The following RIMS1 variants were observed in gnomAD, a reference collection of about 807,000 sequenced individuals.
RIMS1 encodes the protein regulating synaptic membrane exocytosis 1.
RIMS1 carries 83 observed loss-of-function variants against 214.1 expected under a neutral mutation model. The observed-to-expected ratio is 0.39, with a 90% CI of 0.32 to 0.47. The LOEUF is 0.47. Ranked by LOEUF, RIMS1 falls within the 20% of genes least tolerant of loss-of-function variation. The probability of loss-of-function intolerance (pLI) is 0.99; values close to 1 mark genes in which losing one functional copy is unlikely to be tolerated. For missense variants in RIMS1, 2,050 were observed against 2,161.8 expected, an observed-to-expected ratio of 0.95 and a Z score of 1.03; for synonymous variants, 793 against 786.8, an observed-to-expected ratio of 1.01 and a Z score of -0.13.
At chr6:72,153,155 T>C (rs564054493) in intron 4 of RIMS1, among the ~76,000 whole-genome samples, 3 of 150,190 alleles carry the variant, frequency 2.0e-5, no homozygotes, top group East Asian at 3.9e-4. Flanking sequence ...ATGGAATATA[T>C]GTATATATTC....
intron 2 of RIMS1, among the ~76,000 whole-genome samples, chr6:72,092,556 A>G (rs988546536): frequency 6.6e-6 from 1 of 152,170 alleles, no homozygotes; most frequent in African/African-American, 2.4e-5. Context: ...AGTAGTTTAA[A>G]CAAGACCTGC....
intron 16 of RIMS1, among the ~76,000 whole-genome samples, chr6:72,255,236 A>G (rs1196617077): frequency 6.6e-6 from 1 of 152,196 alleles, no homozygotes; most frequent in Non-Finnish European, 1.5e-5. Flanking sequence ...GTGCATTCTT[A>G]TGTACTTTTA....
intron 28 of RIMS1, among the ~76,000 whole-genome samples, chr6:72,318,273 A>AT (rs1311458697): frequency 2.0e-5 from 3 of 151,250 alleles, no homozygotes; most frequent in Non-Finnish European, 4.4e-5. Flanking sequence ...TTCTTATTCT[A>AT]TTTTTTCTCT....
chr6:72,179,944 A>G, intron 5 of RIMS1, 29 bp downstream of exon 5: 2 of 1,387,126 alleles, frequency 1.4e-6, no homozygotes, highest in South Asian at 3.8e-5. Context: ...TGTAAGCAAA[A>G]GGCAAGATTT....
rs1767889851 is a variant in RIMS1, at chr6:71,886,816, GC to G, written c.-207del. On this transcript the variant is annotated 5_prime_UTR_variant, in exon 1 of 34. Transcript: ENST00000521978. ...GACCAAAACAAAGGCAGCATCCGGG[GC>G]TGGGTGGATGCAAACAACCATGAAA... 8.2e-6 allele frequency: 5 copies of G among 612,944 alleles called. No individual in the cohort carries two copies. The East Asian group carries it at 1.4e-4, about 17-fold the overall frequency. 38.0% of individuals were successfully genotyped at this position (612,944 alleles called of 1,614,324 possible). A position where few individuals can be genotyped will look rare whatever the true frequency, so the allele number is the denominator to read the frequency against.
chr6:72,031,820 A>G (rs2152016143), intron 2 of RIMS1, among the ~76,000 whole-genome samples: 1 of 152,282 alleles, frequency 6.6e-6, no homozygotes, highest in Non-Finnish European at 1.5e-5. Flanking sequence ...CATTTATTAG[A>G]TGCATAGCAA....
chr6:72,143,801 G>C (rs74515414), intron 4 of RIMS1, among the ~76,000 whole-genome samples: 1 of 152,104 alleles, frequency 6.6e-6, no homozygotes, highest in African/African-American at 2.4e-5. Flanking sequence ...GTATTTTTAC[G>C]TCTTTTCTGC....
chr6:72,280,321 A>G (rs2089441618), intron 23 of RIMS1, among the ~76,000 whole-genome samples: 1 of 152,020 alleles, frequency 6.6e-6, no homozygotes, highest in Admixed American at 6.6e-5. Context: ...TGATTACACA[A>G]TTAATAGTTT....
chr6:71,946,413 A>G (rs114816314), intron 1 of RIMS1, among the ~76,000 whole-genome samples: 34 of 152,330 alleles, frequency 2.2e-4, no homozygotes, highest in African/African-American at 7.9e-4. Context: ...AAAACAGCAT[A>G]GTGCTGGCAT....
At chr6:72,017,843 G>T (rs1813274500) in intron 2 of RIMS1, among the ~76,000 whole-genome samples, 1 of 152,162 alleles carries the variant, frequency 6.6e-6, no homozygotes, top group Admixed American at 6.6e-5. Flanking sequence ...TGAAAGAATT[G>T]TGTGTGAGCC....
At chr6:71,975,143 T>C (rs896267280) in intron 2 of RIMS1, among the ~76,000 whole-genome samples, 6 of 152,208 alleles carry the variant, frequency 3.9e-5, no homozygotes, top group African/African-American at 1.4e-4. Flanking sequence ...CATCATGTTA[T>C]TAAAAATTCT....
At chr6:72,200,726 T>TTAAAC (rs2051810609) in intron 6 of RIMS1, among the ~76,000 whole-genome samples, 1 of 152,170 alleles carries the variant, frequency 6.6e-6, no homozygotes, top group South Asian at 2.1e-4. Context: ...CTTGGGGCAT[T>TTAAAC]AGATGCTTCA....
chr6:71,987,832 G>C (rs1423287864), intron 2 of RIMS1, among the ~76,000 whole-genome samples: 1 of 152,176 alleles, frequency 6.6e-6, no homozygotes, highest in East Asian at 1.9e-4. Context: ...ATAGAGAGTT[G>C]CCTGTGGTGT....
intron 2 of RIMS1, among the ~76,000 whole-genome samples, chr6:72,009,754 C>G (rs1263443968): frequency 6.6e-5 from 10 of 152,136 alleles, no homozygotes; most frequent in Non-Finnish European, 1.2e-4. Context: ...TCGACACATA[C>G]ACCCTCCCAA....
chr6:72,305,297 TG>T (rs2095047187), intron 26 of RIMS1, among the ~76,000 whole-genome samples: 1 of 152,088 alleles, frequency 6.6e-6, no homozygotes, highest in Non-Finnish European at 1.5e-5. Context: ...GAAAATTACG[TG>T]GCACTAAAAG....
intron 1 of RIMS1, among the ~76,000 whole-genome samples, chr6:71,915,242 T>C (rs552982073): frequency 1.3e-5 from 2 of 152,272 alleles, no homozygotes; most frequent in East Asian, 3.9e-4. Context: ...TTTTCTTTAT[T>C]TTCCATATAT....
intron 2 of RIMS1, among the ~76,000 whole-genome samples, chr6:72,063,961 A>G (rs1393915727): frequency 2.0e-5 from 3 of 151,720 alleles, no homozygotes; most frequent in Non-Finnish European, 2.9e-5. Context: ...TTCCCTCTTT[A>G]CCTCTTTACT....
intron 26 of RIMS1, chr6:72,296,104 G>A (rs974767906): frequency 2.6e-5 from 4 of 152,264 alleles, no homozygotes; most frequent in African/African-American, 9.7e-5. Context: ...ATTTTGTAGT[G>A]TATTTGATAT....
chr6:72,078,821 G>A (rs1215628974), intron 2 of RIMS1, among the ~76,000 whole-genome samples: 7 of 152,004 alleles, frequency 4.6e-5, no homozygotes, highest in African/African-American at 1.7e-4. Context: ...AGACCTTGAG[G>A]CTCTGCAGTA....
Sources: gnomAD v4.1 joint callset for allele counts (sites outside exome capture counted in the v4.1 genomes callset) on GRCh38, gnomAD v4.1.1 for gene constraint, MANE v1.5 for transcripts, NCBI Gene and HGNC (gene_info 2026-07-23, HGNC 2026-07-21) for gene names.